Variants in QKI observed in about 807,000 individuals in gnomAD.
The protein encoded by QKI is QKI, KH domain containing RNA binding, also known as KH domain-containing RNA-binding protein QKI.
In QKI, 10 loss-of-function variants were observed where a neutral mutation model predicts 39.0. The observed-to-expected ratio is 0.26, with a 90% CI of 0.16 to 0.43. The LOEUF is 0.43. Among genes scored for constraint, QKI ranks in the 20% least tolerant of loss-of-function variants. QKI has a pLI of 1.00. For missense variants in QKI, 218 were observed against 428.0 expected (o/e 0.51, Z 4.33); for synonymous variants, 204 against 155.4 (o/e 1.31, Z -2.33).
chr6:163,565,250 G>A, intron 6 of QKI: 1 of 987,302 alleles, frequency 1.0e-6, no homozygotes, highest in Non-Finnish European at 1.2e-6. Context: ...ACTCTGTCCT[G>A]TGGTCCCGTG....
chr6:163,476,841 G>A lies in QKI; in HGVS notation c.286-1939G>A, dbSNP rs116847337. Among the ~76,000 whole-genome samples the A allele has an allele frequency of 5.2e-3, 788 of 152,188 alleles. 4 individuals carry two copies. The highest frequency in any genetic ancestry group is 0.017 in the Middle Eastern group (5 of 294). ...CAAAGGATTTGTATTAGACTTGGTA[G>A]GCTATTGTGACTGTATGGCAAACTT... On this transcript the variant is annotated intron_variant, in intron 2 of 7. Coordinates refer to ENST00000361752, the MANE Select transcript of QKI (RefSeq NM_006775.3).
intron 5 of QKI, 58 bp downstream of exon 5, chr6:163,562,127 C>CT: frequency 7.6e-7 from 1 of 1,319,464 alleles, no homozygotes. Context: ...TGTCTACAGA[C>CT]TTTTTTCCTT....
intron 4 of QKI, among the ~76,000 whole-genome samples, chr6:163,552,446 A>G (rs1480702219): frequency 2.0e-5 from 3 of 151,998 alleles, no homozygotes; most frequent in African/African-American, 4.8e-5. Flanking sequence ...TCCTGACCTC[A>G]TGATCTACCT....
At chr6:163,565,789 A>G in intron 6 of QKI, 1 of 1,319,936 alleles carries the variant, frequency 7.6e-7, no homozygotes, top group East Asian at 2.7e-5. Context: ...GATAACATGC[A>G]TGCTATTTAT....
intron 4 of QKI, among the ~76,000 whole-genome samples, chr6:163,552,786 C>G (rs761809064): frequency 6.6e-6 from 1 of 152,146 alleles, no homozygotes; most frequent in Non-Finnish European, 1.5e-5. Flanking sequence ...GTGCAAACTC[C>G]CATCATAATC....
chr6:163,483,131 ATAGTC>A (rs1278756138), intron 3 of QKI, among the ~76,000 whole-genome samples: 1 of 152,238 alleles, frequency 6.6e-6, no homozygotes, highest in African/African-American at 2.4e-5. Context: ...ATACCATACT[ATAGTC>A]TATTAAATTT....
intron 4 of QKI, among the ~76,000 whole-genome samples, chr6:163,539,107 A>C (rs1484507721): frequency 6.6e-6 from 1 of 152,160 alleles, no homozygotes; most frequent in Non-Finnish European, 1.5e-5. Flanking sequence ...TAGAAGAAAA[A>C]TTGAGGACTA....
rs1399194050 is a variant in QKI at position 163,578,522 on chromosome 6, T to C, written c.*7812T>C. The C allele has an allele frequency of 2.6e-5, 4 of 152,230 alleles. No individual in the cohort carries two copies. Among genetic ancestry groups the C allele is most frequent in the African/African-American group, 9.7e-5 (4 of 41,448 alleles). 9.4% of individuals were successfully genotyped at this position (152,230 alleles called of 1,614,324 possible). ...AATACATTTTAATTAAATGATAATA[T>C]GTTAATATGCTTTTGTTCATTGCTT... On this transcript the variant is annotated 3_prime_UTR_variant, in exon 8 of 8. Transcript: ENST00000361752.
chr6:163,490,261 G>A (rs1392375743), intron 3 of QKI, among the ~76,000 whole-genome samples: 1 of 152,178 alleles, frequency 6.6e-6, no homozygotes, highest in Admixed American at 6.6e-5. Flanking sequence ...ATAAATGACT[G>A]TTAGTCAGTT....
chr6:163,440,154 C>G (rs1013148487), intron 1 of QKI, among the ~76,000 whole-genome samples: 2 of 152,140 alleles, frequency 1.3e-5, no homozygotes, highest in Admixed American at 6.5e-5. Flanking sequence ...TCCTTCTTCT[C>G]TATCTAGCTC....
intron 1 of QKI, among the ~76,000 whole-genome samples, chr6:163,424,014 C>T (rs763421540): frequency 6.6e-6 from 1 of 152,124 alleles, no homozygotes; most frequent in Admixed American, 6.5e-5. Flanking sequence ...TGAATGGAAA[C>T]GGTGCTGCAC....
intron 3 of QKI, among the ~76,000 whole-genome samples, chr6:163,496,534 C>CT (rs907295960): frequency 6.6e-6 from 1 of 152,116 alleles, no homozygotes; most frequent in Non-Finnish European, 1.5e-5. Context: ...TTCTTCCGCC[C>CT]TTTTCTCTTT....
At chr6:163,570,293 C>A (rs1291154282) in intron 7 of QKI, 16 of 986,080 alleles carry the variant, frequency 1.6e-5, no homozygotes, top group Non-Finnish European at 1.1e-5. Flanking sequence ...AATACTAATG[C>A]TTAATAGCAG....
At chr6:163,499,763 T>G (rs531179563) in intron 3 of QKI, among the ~76,000 whole-genome samples, 3 of 152,280 alleles carry the variant, frequency 2.0e-5, no homozygotes, top group East Asian at 1.9e-4. Context: ...TTAAATAGTT[T>G]AGTAAGTATT....
chr6:163,516,867 A>T (rs573527652), intron 3 of QKI, among the ~76,000 whole-genome samples: 1 of 152,232 alleles, frequency 6.6e-6, no homozygotes, highest in South Asian at 2.1e-4. Flanking sequence ...ATCATACTAT[A>T]ACTGTTTTGA....
intron 3 of QKI, among the ~76,000 whole-genome samples, chr6:163,519,775 T>TA (rs1322230873): frequency 6.6e-6 from 1 of 152,120 alleles, no homozygotes; most frequent in Non-Finnish European, 1.5e-5. Flanking sequence ...TTATTAATGA[T>TA]AGCTTACTTT....
At chr6:163,567,163 ATGAAT>A (rs1406089611) in intron 7 of QKI, 2 of 1,014,880 alleles carry the variant, frequency 2.0e-6, no homozygotes, top group East Asian at 1.0e-4. Flanking sequence ...GTATTGCAAA[ATGAAT>A]TGAACGGATG....
intron 2 of QKI, among the ~76,000 whole-genome samples, chr6:163,466,115 G>A (rs1212725161): frequency 5.7e-5 from 8 of 139,846 alleles, no homozygotes; most frequent in East Asian, 2.1e-4. Flanking sequence ...TGACAAGAGC[G>A]AAACTCCATC....
chr6:163,471,311 G>A (rs767085267), intron 2 of QKI, among the ~76,000 whole-genome samples: 3 of 152,158 alleles, frequency 2.0e-5, no homozygotes, highest in Admixed American at 6.6e-5. Context: ...ACTAGAAGAC[G>A]TTCACTAAAG....
Sources: allele counts gnomAD v4.1 joint callset (sites outside exome capture counted in the v4.1 genomes callset), GRCh38; gene constraint gnomAD v4.1.1; transcripts MANE v1.5; gene names NCBI Gene and HGNC (gene_info 2026-07-23, HGNC 2026-07-21).